Variants in RIMS2 observed in about 807,000 individuals in gnomAD.
RIMS2 encodes the protein regulating synaptic membrane exocytosis protein 2.
In RIMS2, 59 loss-of-function variants were observed where a neutral mutation model predicts 174.4. The ratio of observed to expected loss-of-function variants is 0.34; its 90% CI spans 0.27 to 0.42. The LOEUF (loss-of-function observed/expected upper bound fraction) is 0.42. Ranked by LOEUF, RIMS2 falls within the 10% of genes least tolerant of loss-of-function variation. The probability of loss-of-function intolerance (pLI) is 1.00; values close to 1 mark genes in which losing one functional copy is unlikely to be tolerated. For synonymous variants in RIMS2, 606 were observed against 572.5 expected, an observed-to-expected ratio of 1.06 and a Z score of -0.84; for missense variants, 1,620 against 1,666.3, an observed-to-expected ratio of 0.97 and a Z score of 0.48.
At chr8:103,717,442 T>C (rs2097385980) in intron 2 of RIMS2, among the ~76,000 whole-genome samples, 1 of 152,154 alleles carries the variant, frequency 6.6e-6, no homozygotes, top group Non-Finnish European at 1.5e-5. Context: ...AGAGAACCTA[T>C]AAGCTATCTT....
intron 1 of RIMS2, among the ~76,000 whole-genome samples, chr8:103,615,829 T>C (rs552407505): frequency 1.3e-5 from 2 of 152,242 alleles, no homozygotes; most frequent in South Asian, 2.1e-4. Context: ...CAGGAAGTAA[T>C]TGATTCCCCA....
chr8:103,621,199 T>C (rs972986518), intron 1 of RIMS2, among the ~76,000 whole-genome samples: 2 of 152,214 alleles, frequency 1.3e-5, no homozygotes, highest in South Asian at 2.1e-4. Flanking sequence ...AGCAAGGCCA[T>C]TGTTACTTTC....
intron 3 of RIMS2, among the ~76,000 whole-genome samples, chr8:103,789,191 A>T (rs1439827768): frequency 6.6e-6 from 1 of 151,810 alleles, no homozygotes; most frequent in Non-Finnish European, 1.5e-5. Context: ...TAGTGAGATG[A>T]ACCCGGTACC....
At chr8:103,774,254 G>A (rs1171171476) in intron 3 of RIMS2, among the ~76,000 whole-genome samples, 1 of 152,192 alleles carries the variant, frequency 6.6e-6, no homozygotes, top group African/African-American at 2.4e-5. Flanking sequence ...CTAAACATTA[G>A]AAAAGTGTTT....
chr8:103,924,712 T>C (rs2078406813), intron 10 of RIMS2, among the ~76,000 whole-genome samples: 1 of 151,660 alleles, frequency 6.6e-6, no homozygotes, highest in South Asian at 2.1e-4. Flanking sequence ...ATGTCTCAAA[T>C]AGAAAATATA....
Position 103,975,331 on chromosome 8 carries a change from A to G in RIMS2, c.2771-19A>G, listed in dbSNP as rs200372911. 143 of 1,582,750 alleles carry G rather than the reference A, an allele frequency of 9.0e-5. 1 individual carries two copies. In the East Asian group the frequency reaches 3.2e-3, roughly 35 times the overall value. ...TTGTACATACATAACTATAATATTT[A>G]TTAATTTTCTACCTTTAGATTATCG... On this transcript the variant is annotated intron_variant, in intron 15 of 23. Coordinates refer to ENST00000504942, the Ensembl canonical transcript of RIMS2.
intron 3 of RIMS2, among the ~76,000 whole-genome samples, chr8:103,883,929 C>A (rs75778295): frequency 6.6e-6 from 1 of 151,736 alleles, no homozygotes; most frequent in Admixed American, 6.6e-5. Flanking sequence ...TTTTGAGAAC[C>A]CTTGTCTTTG....
chr8:104,166,302 A>G (rs1023623065), intron 19 of RIMS2, among the ~76,000 whole-genome samples: 2 of 151,368 alleles, frequency 1.3e-5, no homozygotes, highest in African/African-American at 4.8e-5. Context: ...TCCTGACCTC[A>G]TGATCCGCCC....
chr8:104,067,043 A>G (rs11985736), intron 19 of RIMS2, among the ~76,000 whole-genome samples: 56,417 of 151,966 alleles, frequency 0.37, 10,797 homozygotes, highest in Non-Finnish European at 0.42. Context: ...ATTGGCTCAG[A>G]AGGGGATACC....
At chr8:103,514,569 A>T (rs568665581) in intron 1 of RIMS2, among the ~76,000 whole-genome samples, 1 of 151,642 alleles carries the variant, frequency 6.6e-6, no homozygotes, top group Admixed American at 6.6e-5. Context: ...ATTTTTTTCA[A>T]TATCTACAAT....
rs1489314647 is a variant in RIMS2, at chr8:103,863,992, TCCG to T, written c.699-21303_699-21301del. ...GGCGCGACCTTGGCTCACTGCAACC[TCCG>T]CCTCCTGGGTTCAGGCCATTCTCCT... is the stretch of plus-strand genomic sequence containing the variant. On this transcript the variant is annotated intron_variant, in intron 3 of 23. Transcript: ENST00000504942. Among the ~76,000 whole-genome samples the T allele has an allele frequency of 1.1e-4, 17 of 151,460 alleles. No homozygotes were observed. In the East Asian group the frequency reaches 2.9e-3, roughly 26 times the overall value.
intron 19 of RIMS2, among the ~76,000 whole-genome samples, chr8:104,141,131 A>T (rs2098564862): frequency 6.6e-6 from 1 of 151,002 alleles, no homozygotes; most frequent in Non-Finnish European, 1.5e-5. Context: ...CATAAAAAAA[A>T]GATACTGAAA....
At chr8:104,217,840 A>C (rs2099137543) in intron 19 of RIMS2, among the ~76,000 whole-genome samples, 1 of 152,226 alleles carries the variant, frequency 6.6e-6, no homozygotes, top group Non-Finnish European at 1.5e-5. Flanking sequence ...AGTCAGTTTA[A>C]AAATATCAAC....
intron 19 of RIMS2, among the ~76,000 whole-genome samples, chr8:104,147,056 A>G (rs986524865): frequency 6.6e-6 from 1 of 152,196 alleles, no homozygotes; most frequent in Non-Finnish European, 1.5e-5. Context: ...GTTATATAAA[A>G]AGCCTTAGTT....
chr8:103,918,763 A>G, intron 9 of RIMS2: 1 of 294,256 alleles, frequency 3.4e-6, no homozygotes, highest in Non-Finnish European at 6.4e-6. Flanking sequence ...CTTAAAGTAC[A>G]CAATTAGGTA....
At chr8:103,722,054 A>T (rs1451542494) in intron 2 of RIMS2, among the ~76,000 whole-genome samples, 2 of 152,044 alleles carry the variant, frequency 1.3e-5, no homozygotes, top group African/African-American at 4.8e-5. Context: ...ACCAGGGTAG[A>T]TATGTTTATT....
At chr8:104,052,433 G>C in intron 19 of RIMS2, among the ~76,000 whole-genome samples, 1 of 152,120 alleles carries the variant, frequency 6.6e-6, no homozygotes, top group East Asian at 1.9e-4. Flanking sequence ...GGTGGGGTTA[G>C]CCTGCAGCTT....
intron 19 of RIMS2, among the ~76,000 whole-genome samples, chr8:104,155,401 C>T (rs1309126620): frequency 4.7e-5 from 6 of 127,466 alleles, no homozygotes; most frequent in African/African-American, 9.2e-5. Flanking sequence ...CCACCGCGCC[C>T]GGCCTTGCTT....
intron 4 of RIMS2, among the ~76,000 whole-genome samples, chr8:103,894,116 C>G (rs2099263597): frequency 6.7e-6 from 1 of 148,598 alleles, no homozygotes; most frequent in African/African-American, 2.6e-5. Context: ...GGTAACTTTT[C>G]TTAATGAACT....
Sources: gnomAD v4.1 joint callset for allele counts (sites outside exome capture counted in the v4.1 genomes callset) on GRCh38, gnomAD v4.1.1 for gene constraint, MANE v1.5 for transcripts, NCBI Gene and HGNC (gene_info 2026-07-23, HGNC 2026-07-21) for gene names.